MYO1B: variants seen among roughly 807,000 people sequenced by gnomAD.
MYO1B encodes unconventional myosin-Ib.
Under a neutral mutation model 159.7 loss-of-function variants are expected in MYO1B, and 72 were observed. The ratio of observed to expected loss-of-function variants is 0.45; its 90% CI spans 0.37 to 0.55. The LOEUF is 0.55. Ranked by LOEUF, MYO1B falls within the 20% of genes least tolerant of loss-of-function variation. The pLI is 0.00. For synonymous variants in MYO1B, 468 were observed against 473.8 expected, an observed-to-expected ratio of 0.99 and a Z score of 0.16; for missense variants, 1,062 against 1,364.8, an observed-to-expected ratio of 0.78 and a Z score of 3.50.
rs71030337 is a variant in MYO1B at position 191,354,256 on chromosome 2, AAATAATAATAATAATAAT to A, written c.562+4056_562+4073del. Among the ~76,000 whole-genome samples, 673 of 143,850 alleles carry A rather than the reference AAATAATAATAATAATAAT, an allele frequency of 4.7e-3. 6 individuals carry two copies. The highest frequency in any genetic ancestry group is 0.014 in the African/African-American group (543 of 39,040). 94.4% of individuals were successfully genotyped at this position (143,850 alleles called of 152,430 possible). On this transcript the variant is annotated intron_variant, in intron 7 of 30. Coordinates refer to ENST00000392318, the MANE Select transcript of MYO1B (RefSeq NM_001130158.3). Reference sequence around the variant, plus strand: ...GGGTGATAGAGCAAGACTCCGTCTTAAATAATAATAATAATAATAATAATAATAATAATAATAATAATG... The same window carrying A: ...GGGTGATAGAGCAAGACTCCGTCTTAAATAATAATAATAATAATAATAATG...
intron 1 of MYO1B, among the ~76,000 whole-genome samples, chr2:191,255,409 A>G (rs1304387812): frequency 6.6e-6 from 1 of 152,168 alleles, no homozygotes; most frequent in Non-Finnish European, 1.5e-5. Context: ...GGAAATTTAG[A>G]TTGGGGTACA....
chr2:191,262,248 C>G (rs1195346133), intron 1 of MYO1B, among the ~76,000 whole-genome samples: 2 of 152,132 alleles, frequency 1.3e-5, no homozygotes, highest in Non-Finnish European at 2.9e-5. Context: ...CAGACACAAT[C>G]CCACAGGAGC....
intron 3 of MYO1B, among the ~76,000 whole-genome samples, chr2:191,327,337 T>A (rs1309902646): frequency 2.0e-5 from 3 of 152,232 alleles, no homozygotes; most frequent in Non-Finnish European, 4.4e-5. Flanking sequence ...GGAGTTTGTA[T>A]TCTGGTAGGG....
intron 1 of MYO1B, among the ~76,000 whole-genome samples, chr2:191,267,084 C>G (rs1047415453): frequency 6.6e-6 from 1 of 152,120 alleles, no homozygotes; most frequent in Non-Finnish European, 1.5e-5. Context: ...TTGGTGGTGC[C>G]TGTCCCTCTC....
At chr2:191,405,865 G>A (rs745919235) in intron 24 of MYO1B, among the ~76,000 whole-genome samples, 12 of 152,240 alleles carry the variant, frequency 7.9e-5, no homozygotes, top group Non-Finnish European at 1.6e-4. Flanking sequence ...TGGTAAATGA[G>A]CATTAGCTCC....
At chr2:191,370,188 C>T (rs2126037745) in intron 12 of MYO1B, 39 bp from the exon 13 acceptor site, 1 of 1,374,894 alleles carries the variant, frequency 7.3e-7, no homozygotes, top group Non-Finnish European at 1.0e-6. Flanking sequence ...TGTTATATTT[C>T]ATGCCTTAAT....
At chr2:191,285,795 G>A (rs1362189312) in intron 2 of MYO1B, among the ~76,000 whole-genome samples, 9 of 152,114 alleles carry the variant, frequency 5.9e-5, no homozygotes, top group African/African-American at 2.2e-4. Context: ...TACCAGAACT[G>A]GAGAGGAAAT....
intron 21 of MYO1B, among the ~76,000 whole-genome samples, chr2:191,397,124 A>ATTTCT (rs1559232529): frequency 2.9e-4 from 2 of 6,988 alleles, no homozygotes; most frequent in Non-Finnish European, 9.2e-4. Flanking sequence ...AAAGAAGATG[A>ATTTCT]TTTCTTTTTT....
intron 29 of MYO1B, among the ~76,000 whole-genome samples, chr2:191,415,693 TA>T (rs1697520280): frequency 6.6e-6 from 1 of 152,174 alleles, no homozygotes; most frequent in African/African-American, 2.4e-5. Context: ...GTGTTGTCAT[TA>T]GGGTTTTAAC....
In MYO1B at chr2:191,414,180, G is replaced by A; in HGVS notation, c.3006G>A (p.Lys1002=). 1.9e-6 allele frequency: 3 copies of A among 1,609,574 alleles called. No homozygotes were observed. Among genetic ancestry groups the A allele is most frequent in the Non-Finnish European group, 2.5e-6 (3 of 1,178,520 alleles). ...VVNKINRANG[K]STSRIFLLTN... is the part of the protein sequence containing the mutation. ...ACAAAATTAACCGTGCTAATGGGAA[G>A]GTAAAAATGCTAACCTTGAAGACTG... Residue 1002 remains lysine (K), a splice_region_variant and synonymous_variant, in exon 28 of 31, where the codon AAG becomes AAA. Coordinates refer to ENST00000392318, the MANE Select transcript of MYO1B (RefSeq NM_001130158.3).
intron 30 of MYO1B, among the ~76,000 whole-genome samples, chr2:191,422,341 G>A (rs1470797743): frequency 1.3e-5 from 2 of 152,148 alleles, no homozygotes; most frequent in Non-Finnish European, 2.9e-5. Context: ...GCTATCCTCA[G>A]TTCAGGGATC....
chr2:191,296,011 T>C, intron 2 of MYO1B, 100 bp from the exon 3 acceptor site: 2 of 530,744 alleles, frequency 3.8e-6, no homozygotes, highest in Non-Finnish European at 6.2e-6. Context: ...AGAACTAGTG[T>C]TGATTTTAAA....
chr2:191,390,578 CAG>C, intron 18 of MYO1B, 86 bp downstream of exon 18: 1 of 1,404,540 alleles, frequency 7.1e-7, no homozygotes, highest in Non-Finnish European at 9.5e-7. Context: ...TTAGATAAAA[CAG>C]AATTTTATGA....
intron 15 of MYO1B, 101 bp from the exon 16 acceptor site, chr2:191,385,783 T>A (rs1347444748): frequency 1.3e-5 from 16 of 1,256,006 alleles, no homozygotes; most frequent in Non-Finnish European, 1.7e-5. Flanking sequence ...AACAGACTTT[T>A]CTTGTGACTA....
intron 24 of MYO1B, among the ~76,000 whole-genome samples, chr2:191,405,140 C>T (rs1168861297): frequency 6.6e-6 from 1 of 152,208 alleles, no homozygotes; most frequent in African/African-American, 2.4e-5. Flanking sequence ...CAGCAGTGTT[C>T]ACAGCATCTT....
At chr2:191,422,183 G>A (rs1019187692) in intron 30 of MYO1B, among the ~76,000 whole-genome samples, 2 of 152,168 alleles carry the variant, frequency 1.3e-5, no homozygotes, top group Non-Finnish European at 2.9e-5. Flanking sequence ...TTAGTAATGT[G>A]CCATTGACTG....
rs182901551 is a variant in MYO1B, at chr2:191,360,962, A to T, written c.661+233A>T. Among the ~76,000 whole-genome samples the T allele has an allele frequency of 1.7e-3, 259 of 152,238 alleles. 2 individuals are homozygous for T. Among genetic ancestry groups the T allele is most frequent in the South Asian group, 2.3e-3 (11 of 4,822 alleles). On this transcript the variant is annotated intron_variant, in intron 8 of 30. Coordinates refer to ENST00000392318, the MANE Select transcript of MYO1B (RefSeq NM_001130158.3). ...CACTTTTTGAAGCATTCTCTTTAAAACATACTCCATATGCTTTGCCCCTTC... is the reference window on the plus strand; with the variant it reads ...CACTTTTTGAAGCATTCTCTTTAAATCATACTCCATATGCTTTGCCCCTTC...
chr2:191,399,268 G>GGGGAGAGGGAGA (rs59050648), intron 21 of MYO1B, among the ~76,000 whole-genome samples: 10 of 148,068 alleles, frequency 6.8e-5, no homozygotes, highest in African/African-American at 2.5e-4. Flanking sequence ...AGGAGACCGT[G>GGGGAGAGGGAGA]GGGAGAGGGA....
At chr2:191,415,315 C>G (rs1208433976) in intron 29 of MYO1B, among the ~76,000 whole-genome samples, 1 of 152,170 alleles carries the variant, frequency 6.6e-6, no homozygotes, top group Admixed American at 6.5e-5. Context: ...CAAAAGTTAA[C>G]AAATATTGAT....
Sources: allele counts gnomAD v4.1 joint callset (sites outside exome capture counted in the v4.1 genomes callset), GRCh38; gene constraint gnomAD v4.1.1; transcripts MANE v1.5; gene names NCBI Gene and HGNC (gene_info 2026-07-23, HGNC 2026-07-21).